Variants in MANBAL observed in about 807,000 individuals in gnomAD.
MANBAL encodes mannosidase beta like.
In MANBAL, 1 loss-of-function variant was observed where a neutral mutation model predicts 6.4. The ratio of observed to expected loss-of-function variants is 0.16; its 90% CI spans 0.06 to 0.74. The LOEUF is 0.74. Among genes scored for constraint, MANBAL ranks in the 30% least tolerant of loss-of-function variants. The pLI, the probability that MANBAL is intolerant of heterozygous loss-of-function variation, is 0.78. For missense variants in MANBAL, 100 were observed against 107.8 expected, an observed-to-expected ratio of 0.93 and a Z score of 0.32; for synonymous variants, 47 against 45.8, an observed-to-expected ratio of 1.03 and a Z score of -0.10.
rs368108778 is a variant in MANBAL at position 37,300,005 on chromosome 20, G to A, written c.-56-1203G>A. ...GGCCACCACTGCCCCTGTCATTCAC[G>A]CCATCAGCAGCTCTTGTCTGGCTTA... is the stretch of plus-strand genomic sequence containing the variant. On this transcript the variant is annotated intron_variant, in intron 1 of 2. Coordinates refer to ENST00000373606, the MANE Select transcript of MANBAL (RefSeq NM_001003897.2). Among the ~76,000 whole-genome samples, 4 of 152,114 alleles carry A rather than the reference G, an allele frequency of 2.6e-5. No homozygotes were observed. The East Asian group carries it at 5.8e-4, about 22-fold the overall frequency.
chr20:37,296,800 G>GGTATCATT (rs1280857762), intron 1 of MANBAL: 1 of 152,064 alleles, frequency 6.6e-6, no homozygotes, highest in Non-Finnish European at 1.5e-5. Context: ...ATGTATTATA[G>GGTATCATT]GTATCATTGT....
chr20:37,302,504 T>G (rs920435891), intron 2 of MANBAL, among the ~76,000 whole-genome samples: 2 of 152,230 alleles, frequency 1.3e-5, no homozygotes, highest in Non-Finnish European at 2.9e-5. Context: ...TTAGCATCCA[T>G]TGATGGTCGT....
intron 2 of MANBAL, 140 bp downstream of exon 2, chr20:37,301,553 G>T: frequency 1.1e-6 from 1 of 951,604 alleles, no homozygotes. Flanking sequence ...ATTTCCACCT[G>T]GTGGGTTGAA....
intron 2 of MANBAL, chr20:37,302,136 C>T: frequency 8.5e-7 from 1 of 1,172,232 alleles, no homozygotes; most frequent in Non-Finnish European, 1.2e-6. Context: ...ACTTTCTTGC[C>T]CACTCCCATT....
chr20:37,294,681 A>G (rs1179009211), intron 1 of MANBAL, among the ~76,000 whole-genome samples: 1 of 152,188 alleles, frequency 6.6e-6, no homozygotes, highest in African/African-American at 2.4e-5. Context: ...TCACCTTTGC[A>G]GAGAGGCCCT....
intron 1 of MANBAL, 136 bp from the exon 2 acceptor site, chr20:37,301,072 G>A (rs1174639134): frequency 2.6e-6 from 1 of 378,642 alleles, no homozygotes; most frequent in Non-Finnish European, 4.2e-6. Context: ...GAACCCAGGA[G>A]GCCGAAGTTG....
chr20:37,308,180 G>C (rs915608261), intron 2 of MANBAL, among the ~76,000 whole-genome samples: 3 of 152,210 alleles, frequency 2.0e-5, no homozygotes, highest in African/African-American at 7.2e-5. Flanking sequence ...GGCTGACCCA[G>C]CTTGGGACAG....
rs369712357 is a variant in MANBAL, at chr20:37,304,506, G to A, written c.150+3093G>A. Among the ~76,000 whole-genome samples, 15 of 152,130 alleles carry A rather than the reference G, an allele frequency of 9.9e-5. No homozygotes were observed. The South Asian group carries it at 1.5e-3, about 15-fold the overall frequency. Reference sequence around the variant, plus strand: ...AAATGCATATATATGTGTATGGTGTGTACATATATATTTATATTCCCCCCT... The same window carrying A: ...AAATGCATATATATGTGTATGGTGTATACATATATATTTATATTCCCCCCT... On this transcript the variant is annotated intron_variant, in intron 2 of 2. Coordinates refer to ENST00000373606, the MANE Select transcript of MANBAL (RefSeq NM_001003897.2).
At chr20:37,295,258 C>G (rs1243277585) in intron 1 of MANBAL, among the ~76,000 whole-genome samples, 1 of 152,184 alleles carries the variant, frequency 6.6e-6, no homozygotes, top group Non-Finnish European at 1.5e-5. Context: ...CTGGAATAAA[C>G]TCAAGATGTA....
rs1193927991 is a variant in MANBAL, at chr20:37,306,124, G to GT, written c.150+4711_150+4712insT. On this transcript the variant is annotated intron_variant, in intron 2 of 2. Transcript: ENST00000373606. ...GGAGGGTGGCAGGAGGTAGGAGAGG[G>GT]GGCAGAAGTGAGGGTGGGAGGACCC... 8.5e-5 allele frequency among the ~76,000 whole-genome samples: 13 copies of GT among 152,252 alleles called. No individual in the cohort carries two copies. In the East Asian group the frequency reaches 2.5e-3, roughly 29 times the overall value.
At chr20:37,315,358 C>T (rs539396442) in intron 2 of MANBAL, among the ~76,000 whole-genome samples, 62 of 152,268 alleles carry the variant, frequency 4.1e-4, no homozygotes, top group Middle Eastern at 3.4e-3. Flanking sequence ...TTTCTGGCCA[C>T]GGCACACTGC....
intron 2 of MANBAL, among the ~76,000 whole-genome samples, chr20:37,304,358 A>C (rs1426773573): frequency 1.3e-5 from 2 of 152,228 alleles, no homozygotes; most frequent in East Asian, 1.9e-4. Flanking sequence ...AAACTATATA[A>C]CAAGGTACAT....
Position 37,301,303 on chromosome 20 carries a change from G to A in MANBAL, c.40G>A (p.Glu14Lys), listed in dbSNP as rs368932985. The change falls in exon 2 of 3, where the codon GAG becomes AAG. Residue 14 changes from glutamate (E) to lysine (K), a missense_variant. Transcript: ENST00000373606. ...AGACTTCTCACCTCCGGAGGTGCCC[G>A]AGCCCACTTTCCTGGAGAACCTGCT... ...DLDFSPPEVP[E>K]PTFLENLLRY... 6 of 1,611,328 alleles carry A rather than the reference G, an allele frequency of 3.7e-6. No individual in the cohort carries two copies. Among genetic ancestry groups the A allele is most frequent in the Admixed American group, 1.7e-5 (1 of 59,912 alleles).
chr20:37,314,896 T>C (rs1353042238), intron 2 of MANBAL, among the ~76,000 whole-genome samples: 1 of 152,038 alleles, frequency 6.6e-6, no homozygotes, highest in East Asian at 1.9e-4. Flanking sequence ...CACGGGCCAA[T>C]GGGGCAAGCA....
chr20:37,296,635 G>A, intron 1 of MANBAL, among the ~76,000 whole-genome samples: 1 of 152,248 alleles, frequency 6.6e-6, no homozygotes, highest in Non-Finnish European at 1.5e-5. Context: ...GAATAGTGCT[G>A]CCATGAACTT....
chr20:37,310,661 G>C (rs772819350), intron 2 of MANBAL, among the ~76,000 whole-genome samples: 3 of 152,218 alleles, frequency 2.0e-5, no homozygotes, highest in Non-Finnish European at 4.4e-5. Flanking sequence ...TGGATCTGAT[G>C]AATAGCAGCA....
At chr20:37,303,017 A>G (rs931474648) in intron 2 of MANBAL, among the ~76,000 whole-genome samples, 2 of 152,154 alleles carry the variant, frequency 1.3e-5, no homozygotes, top group Admixed American at 1.3e-4. Flanking sequence ...AGTTCAAGCA[A>G]TTCTCCTGCT....
chr20:37,316,427 T>G lies in MANBAL; in HGVS notation c.*12T>G. ...AGAAGAAGCGGTAGAAGAGGAGGCC[T>G]GAGGAGCTGGGCGGGCAGGGAGAGG... On this transcript the variant is annotated 3_prime_UTR_variant, in exon 3 of 3. Transcript: ENST00000373606. The G allele has an allele frequency of 6.2e-7, 1 of 1,609,212 alleles. No individual in the cohort carries two copies.
chr20:37,300,374 G>A (rs550333200), intron 1 of MANBAL, among the ~76,000 whole-genome samples: 10 of 152,080 alleles, frequency 6.6e-5, no homozygotes, highest in South Asian at 2.1e-4. Flanking sequence ...CTCCATTCCC[G>A]TCTCTGTTCT....
Sources: allele counts gnomAD v4.1 joint callset (sites outside exome capture counted in the v4.1 genomes callset), GRCh38; gene constraint gnomAD v4.1.1; transcripts MANE v1.5; gene names NCBI Gene and HGNC (gene_info 2026-07-23, HGNC 2026-07-21).